Variants in IKZF2 observed in about 807,000 individuals in gnomAD.
IKZF2 encodes the protein zinc finger protein Helios.
IKZF2 carries 15 observed loss-of-function variants against 49.2 expected under a neutral mutation model. The ratio of observed to expected loss-of-function variants is 0.30; its 90% CI spans 0.20 to 0.47. The LOEUF (loss-of-function observed/expected upper bound fraction) is 0.47. IKZF2 is among the 20% of genes least tolerant of loss of function. The pLI, the probability that IKZF2 is intolerant of heterozygous loss-of-function variation, is 1.00. For synonymous variants in IKZF2, 227 were observed against 221.4 expected (o/e 1.03, Z -0.23); for missense variants, 567 against 664.6 (o/e 0.85, Z 1.61).
Position 213,100,074 on chromosome 2 carries a change from C to T in IKZF2, c.140-42975G>A, listed in dbSNP as rs543706680. The stretch of plus-strand genomic sequence containing the variant: ...CATTTAAGCTAACTGACACTAAGCA[C>T]ATGGATAACTCTTCTAATGTCATCT... On this transcript the variant is annotated intron_variant, in intron 4 of 8. Coordinates refer to ENST00000434687, the MANE Select transcript of IKZF2 (RefSeq NM_001387220.1). Among the ~76,000 whole-genome samples the T allele has an allele frequency of 4.6e-5, 7 of 152,162 alleles. No homozygotes were observed. In the East Asian group the frequency reaches 7.7e-4, roughly 17 times the overall value.
At chr2:213,026,423 A>G (rs1168441326) in intron 6 of IKZF2, among the ~76,000 whole-genome samples, 1 of 152,116 alleles carries the variant, frequency 6.6e-6, no homozygotes. Context: ...TTAGATCTTG[A>G]CCTTTTTGAG....
intron 5 of IKZF2, 94 bp downstream of exon 5, chr2:213,056,739 C>T (rs764437647): frequency 6.1e-6 from 9 of 1,470,906 alleles, no homozygotes; most frequent in African/African-American, 2.8e-5. Flanking sequence ...TTCACCACTG[C>T]CACCCCTGAA....
intron 4 of IKZF2, among the ~76,000 whole-genome samples, chr2:213,134,091 C>G (rs16849823): frequency 6.6e-6 from 1 of 152,150 alleles, no homozygotes; most frequent in Non-Finnish European, 1.5e-5. Flanking sequence ...TAAAAGCCAA[C>G]CTGAGCCTTC....
intron 4 of IKZF2, among the ~76,000 whole-genome samples, chr2:213,106,315 A>G (rs1432015155): frequency 6.6e-6 from 1 of 152,080 alleles, no homozygotes; most frequent in Non-Finnish European, 1.5e-5. Flanking sequence ...CCTGTTTTTT[A>G]AAGGAAGAGT....
In IKZF2 at chr2:213,001,368, T is replaced by C. The variant is rs1202527641; in HGVS notation, c.*5992A>G. On this transcript the variant is annotated 3_prime_UTR_variant, in exon 9 of 9. Transcript: ENST00000434687. ...CACTTGCAAATAACTGTCTAGTCTT[T>C]CATGATATACATTTTTTGGAGGAAA... 3 of 151,970 alleles carry C rather than the reference T, an allele frequency of 2.0e-5. No individual in the cohort carries two copies. Among genetic ancestry groups the C allele is most frequent in the African/African-American group, 7.2e-5 (3 of 41,380 alleles). The allele number at this position is 151,970 out of a possible 1,614,324, so 9.4% of individuals were successfully genotyped here. A position where few individuals can be genotyped will look rare whatever the true frequency, so the allele number is the denominator to read the frequency against.
intron 8 of IKZF2, among the ~76,000 whole-genome samples, chr2:213,013,366 C>T (rs919719709): frequency 4.6e-5 from 7 of 150,824 alleles, no homozygotes; most frequent in Non-Finnish European, 5.9e-5. Context: ...ACATGCTTAG[C>T]GTTCCAATAA....
intron 1 of IKZF2, chr2:213,150,459 CCT>C: frequency 4.3e-6 from 1 of 234,864 alleles, no homozygotes; most frequent in Admixed American, 5.7e-5. Flanking sequence ...ACACCCCCCT[CCT>C]CCTCCTCCTC....
In IKZF2 at chr2:213,002,485, A is replaced by G. The variant is rs1034142514; in HGVS notation, c.*4875T>C. The G allele has an allele frequency of 4.0e-5, 6 of 151,588 alleles. No homozygotes were observed. The highest frequency in any genetic ancestry group is 1.4e-4 in the African/African-American group (6 of 41,404). The allele number at this position is 151,588 out of a possible 1,614,324, so 9.4% of individuals were successfully genotyped here. On this transcript the variant is annotated 3_prime_UTR_variant, in exon 9 of 9. Coordinates refer to ENST00000434687, the MANE Select transcript of IKZF2 (RefSeq NM_001387220.1). ...AGGTGTCATTATTTGGCCTAGTAAT[A>G]CACTATGATAAAAAGAAACACTAGC...
rs201270948 is a variant in IKZF2 at position 213,150,208 on chromosome 2, GCTT to G, written c.-83_-81del. 5.6e-3 allele frequency: 7,291 copies of G among 1,300,576 alleles called. 98 individuals carry two copies. The highest frequency in any genetic ancestry group is 0.046 in the East Asian group (825 of 17,996). The allele number at this position is 1,300,576 out of a possible 1,614,324, so 80.6% of individuals were successfully genotyped here. On this transcript the variant is annotated 5_prime_UTR_variant, in exon 2 of 9. Coordinates refer to ENST00000434687, the MANE Select transcript of IKZF2 (RefSeq NM_001387220.1). ...TTTCCAGCTCTGTCGGGAGATCTCA[GCTT>G]CTTCTAACCCCTCAAAGAGGAGGTG...
intron 4 of IKZF2, among the ~76,000 whole-genome samples, chr2:213,093,742 C>T (rs543579457): frequency 1.4e-4 from 22 of 152,204 alleles, no homozygotes; most frequent in African/African-American, 5.3e-4. Flanking sequence ...ACTAGAAATA[C>T]CCAATAACAG....
At chr2:213,022,199 C>G (rs1697305796) in intron 6 of IKZF2, 69 bp from the exon 7 acceptor site, 8 of 1,402,512 alleles carry the variant, frequency 5.7e-6, no homozygotes, top group Middle Eastern at 3.7e-4. Context: ...CAATAGCTAA[C>G]TTTTGATAGT....
intron 6 of IKZF2, among the ~76,000 whole-genome samples, chr2:213,029,687 C>G (rs1698198093): frequency 6.6e-6 from 1 of 151,846 alleles, no homozygotes; most frequent in Non-Finnish European, 1.5e-5. Context: ...AAAACAAAAC[C>G]CTGTTTTGGG....
intron 4 of IKZF2, among the ~76,000 whole-genome samples, chr2:213,105,641 G>A (rs1472311462): frequency 2.0e-5 from 3 of 152,002 alleles, no homozygotes; most frequent in East Asian, 1.9e-4. Flanking sequence ...CAAAAACATC[G>A]AAACATACCA....
intron 6 of IKZF2, among the ~76,000 whole-genome samples, chr2:213,028,530 T>C (rs983910042): frequency 3.9e-5 from 6 of 152,140 alleles, no homozygotes; most frequent in Non-Finnish European, 8.8e-5. Flanking sequence ...TATTGAAGTC[T>C]TTAATTTATC....
intron 6 of IKZF2, among the ~76,000 whole-genome samples, chr2:213,045,936 G>A (rs535582486): frequency 6.6e-6 from 1 of 152,290 alleles, no homozygotes; most frequent in South Asian, 2.1e-4. Context: ...CATGATGAAA[G>A]CTCCCTCTAC....
At chr2:213,124,240 T>A (rs9711872) in intron 4 of IKZF2, among the ~76,000 whole-genome samples, 12 of 118,408 alleles carry the variant, frequency 1.0e-4, no homozygotes, top group East Asian at 6.3e-4. Context: ...ACACATGCGC[T>A]CGCGCGCGCG....
At chr2:213,094,450 A>G (rs1705721077) in intron 4 of IKZF2, among the ~76,000 whole-genome samples, 1 of 152,100 alleles carries the variant, frequency 6.6e-6, no homozygotes, top group African/African-American at 2.4e-5. Context: ...GGCCCATGTA[A>G]GTACTATTTG....
intron 5 of IKZF2, chr2:213,056,426 T>G (rs1701156084): frequency 3.5e-6 from 1 of 281,734 alleles, no homozygotes. Context: ...AAAGTGAAAA[T>G]TATTCACTTA....
chr2:213,050,819 C>T (rs1409634286), intron 5 of IKZF2, among the ~76,000 whole-genome samples: 1 of 151,836 alleles, frequency 6.6e-6, no homozygotes, highest in East Asian at 1.9e-4. Flanking sequence ...AAATTGATAG[C>T]CTTATCAAAC....
Sources: gnomAD v4.1 joint callset for allele counts (sites outside exome capture counted in the v4.1 genomes callset) on GRCh38, gnomAD v4.1.1 for gene constraint, MANE v1.5 for transcripts, NCBI Gene and HGNC (gene_info 2026-07-23, HGNC 2026-07-21) for gene names.